The following SEMA3A variants were observed in gnomAD, a reference collection of about 807,000 sequenced individuals.
SEMA3A encodes the protein semaphorin 3A, also known as semaphorin-3A.
A neutral mutation model predicts 97.9 loss-of-function variants in SEMA3A; 29 were observed. The ratio of observed to expected loss-of-function variants is 0.30; its 90% CI spans 0.22 to 0.40. The LOEUF is 0.40. Among genes scored for constraint, SEMA3A ranks in the 10% least tolerant of loss-of-function variants. The pLI, the probability that SEMA3A is intolerant of heterozygous loss-of-function variation, is 1.00. For missense variants in SEMA3A, 763 were observed against 951.3 expected (o/e 0.80, Z 2.60); for synonymous variants, 321 against 323.7 (o/e 0.99, Z 0.09).
intron 12 of SEMA3A, among the ~76,000 whole-genome samples, chr7:83,990,898 AT>A (rs1789894526): frequency 6.6e-6 from 1 of 151,826 alleles, no homozygotes. Context: ...GAATCTGTAA[AT>A]TACCTTGGGC....
chr7:84,266,595 G>C (rs890363983), intron 3 of SEMA3A, among the ~76,000 whole-genome samples: 7 of 152,062 alleles, frequency 4.6e-5, no homozygotes, highest in African/African-American at 1.7e-4. Flanking sequence ...CAATGAAATG[G>C]AAGGCCAAAT....
chr7:84,146,189 A>G (rs1039182987), intron 1 of SEMA3A, among the ~76,000 whole-genome samples: 2 of 152,138 alleles, frequency 1.3e-5, no homozygotes, highest in African/African-American at 4.8e-5. Flanking sequence ...TACACACATT[A>G]GTTCTCTTAG....
At chr7:84,007,303 C>T in intron 10 of SEMA3A, 50 bp downstream of exon 10, 4 of 1,467,316 alleles carry the variant, frequency 2.7e-6, no homozygotes, top group East Asian at 2.5e-5. Flanking sequence ...GTTTTTTGAC[C>T]TTTGGCAGAA....
At chr7:84,280,441 C>T (rs1418189725) in intron 3 of SEMA3A, among the ~76,000 whole-genome samples, 1 of 152,062 alleles carries the variant, frequency 6.6e-6, no homozygotes, top group Non-Finnish European at 1.5e-5. Context: ...TATCATTTAT[C>T]AATATGTAAG....
At chr7:84,459,864 CA>C (rs1461422965) in intron 1 of SEMA3A, among the ~76,000 whole-genome samples, 3 of 151,932 alleles carry the variant, frequency 2.0e-5, no homozygotes, top group African/African-American at 7.3e-5. Context: ...CCTGTCAATA[CA>C]AAAATACAAA....
At chr7:84,340,004 TA>T in intron 2 of SEMA3A, among the ~76,000 whole-genome samples, 1 of 152,204 alleles carries the variant, frequency 6.6e-6, no homozygotes, top group African/African-American at 2.4e-5. Flanking sequence ...CAGGGAGGAT[TA>T]AAAAACATCA....
chr7:83,993,619 T>C (rs1417666745), intron 12 of SEMA3A, among the ~76,000 whole-genome samples: 1 of 142,134 alleles, frequency 7.0e-6, no homozygotes, highest in Non-Finnish European at 1.5e-5. Context: ...AAAATTCTTT[T>C]CTTTAAGAAT....
intron 3 of SEMA3A, among the ~76,000 whole-genome samples, chr7:84,121,481 G>A (rs888863349): frequency 2.0e-5 from 3 of 151,276 alleles, no homozygotes; most frequent in South Asian, 2.1e-4. Flanking sequence ...CTGTCCTTGC[G>A]ATAGTTTGCT....
At chr7:84,218,001 G>GA (rs568754977) in intron 3 of SEMA3A, among the ~76,000 whole-genome samples, 5,212 of 146,120 alleles carry the variant, frequency 0.036, 102 homozygotes, top group South Asian at 0.07. Flanking sequence ...CTCTGGTTAG[G>GA]AAAAAAAAAA....
intron 4 of SEMA3A, among the ~76,000 whole-genome samples, chr7:84,094,182 G>A (rs1199848241): frequency 6.6e-6 from 1 of 152,086 alleles, no homozygotes; most frequent in Admixed American, 6.6e-5. Flanking sequence ...GGAACCATAT[G>A]CCTTGGTGAC....
intron 6 of SEMA3A, among the ~76,000 whole-genome samples, chr7:84,022,285 C>T (rs549805296): frequency 6.6e-6 from 1 of 152,068 alleles, no homozygotes; most frequent in African/African-American, 2.4e-5. Context: ...CCCTCGGTAA[C>T]CTAAGAAAGT....
intron 2 of SEMA3A, among the ~76,000 whole-genome samples, chr7:84,347,127 G>T (rs959788880): frequency 2.6e-5 from 4 of 152,126 alleles, no homozygotes; most frequent in African/African-American, 9.7e-5. Context: ...AAACAAGTCA[G>T]CAGTTTCCCA....
intron 1 of SEMA3A, among the ~76,000 whole-genome samples, chr7:84,479,757 A>C (rs1562960977): frequency 1.3e-5 from 2 of 152,236 alleles, no homozygotes; most frequent in African/African-American, 2.4e-5. Context: ...ACGATGTACC[A>C]TACATACTGC....
At chr7:84,469,570 T>C (rs1806094487) in intron 1 of SEMA3A, among the ~76,000 whole-genome samples, 2 of 152,140 alleles carry the variant, frequency 1.3e-5, no homozygotes, top group African/African-American at 4.8e-5. Context: ...ATAAGGAATA[T>C]TTCTGTGCTT....
At chr7:84,330,508 G>A (rs1207691862) in intron 2 of SEMA3A, among the ~76,000 whole-genome samples, 1 of 151,906 alleles carries the variant, frequency 6.6e-6, no homozygotes, top group Non-Finnish European at 1.5e-5. Flanking sequence ...GTAAACATTC[G>A]GAAGATATCA....
intron 1 of SEMA3A, among the ~76,000 whole-genome samples, chr7:84,456,849 T>C (rs573912419): frequency 1.3e-5 from 2 of 151,766 alleles, no homozygotes; most frequent in Admixed American, 6.6e-5. Context: ...CTTTTAACCT[T>C]TGAGCAATTT....
intron 1 of SEMA3A, among the ~76,000 whole-genome samples, chr7:84,482,735 T>G (rs1488054306): frequency 6.6e-6 from 1 of 152,200 alleles, no homozygotes; most frequent in African/African-American, 2.4e-5. Context: ...TGCATCCTCT[T>G]ATAGCCTCTT....
rs374827916 is a variant in SEMA3A, at chr7:84,275,198, A to T, written c.-83+32009T>A. 1.8e-4 allele frequency among the ~76,000 whole-genome samples: 27 copies of T among 152,204 alleles called. No homozygotes were observed. In the East Asian group the frequency reaches 3.5e-3, roughly 20 times the overall value. On this transcript the variant is annotated intron_variant, in intron 3 of 3. Transcript: ENST00000424555. ...GAGAGTTAGTTTAATCAATGCTAGG[A>T]AATATAATAATGACATCCATACATC...
At chr7:84,405,098 G>C (rs1351882361) in intron 1 of SEMA3A, among the ~76,000 whole-genome samples, 1 of 152,106 alleles carries the variant, frequency 6.6e-6, no homozygotes, top group Non-Finnish European at 1.5e-5. Flanking sequence ...GCACATAGTG[G>C]CAAATTGGAT....
Sources: allele counts gnomAD v4.1 joint callset (sites outside exome capture counted in the v4.1 genomes callset), GRCh38; gene constraint gnomAD v4.1.1; transcripts MANE v1.5; gene names NCBI Gene and HGNC (gene_info 2026-07-23, HGNC 2026-07-21).